The following SNX29 variants were observed in gnomAD, a reference collection of about 807,000 sequenced individuals.
SNX29 encodes the protein sorting nexin-29.
In SNX29, 78 loss-of-function variants were observed where a neutral mutation model predicts 102.1. That is an observed-to-expected ratio of 0.76 (90% CI 0.64 to 0.92). The LOEUF (loss-of-function observed/expected upper bound fraction) is 0.92, where lower values mean the gene tolerates loss of function less well. Ranked by LOEUF, SNX29 falls within the 40% of genes least tolerant of loss-of-function variation. SNX29 has a pLI of 0.00. For synonymous variants in SNX29, 580 were observed against 414.5 expected, an observed-to-expected ratio of 1.40 and a Z score of -4.85; for missense variants, 1,280 against 1,061.7, an observed-to-expected ratio of 1.21 and a Z score of -2.86.
intron 16 of SNX29, among the ~76,000 whole-genome samples, chr16:12,365,742 G>C (rs1334195031): frequency 6.8e-6 from 1 of 147,082 alleles, no homozygotes; most frequent in Non-Finnish European, 1.5e-5. Context: ...AGGCAGAGTT[G>C]CCCAAAAGCA....
chr16:12,298,156 C>A (rs574822080), intron 15 of SNX29, among the ~76,000 whole-genome samples: 1 of 152,104 alleles, frequency 6.6e-6, no homozygotes, highest in Non-Finnish European at 1.5e-5. Flanking sequence ...GGCAACAGAG[C>A]GAGACTCTGT....
In SNX29 at chr16:12,342,816, C is replaced by T. The variant is rs76489426; in HGVS notation, c.1783-13347C>T. Among the ~76,000 whole-genome samples, 1,176 of 152,276 alleles carry T rather than the reference C, an allele frequency of 7.7e-3. 16 individuals carry two copies. Among genetic ancestry groups the T allele is most frequent in the African/African-American group, 0.026 (1,077 of 41,548 alleles). On this transcript the variant is annotated intron_variant, in intron 15 of 20. Transcript: ENST00000566228. ...AAGTTCATCCCCCAGACCAGTACCC[C>T]ACAGTGCTCGCTCACATTTGAGCAC...
At chr16:12,514,407 C>G (rs1308879182) in intron 19 of SNX29, among the ~76,000 whole-genome samples, 4 of 152,198 alleles carry the variant, frequency 2.6e-5, no homozygotes, top group Non-Finnish European at 5.9e-5. Context: ...TGCCCTGGAG[C>G]TGCCTTTCTC....
At chr16:12,209,187 A>T (rs2077120880) in intron 14 of SNX29, among the ~76,000 whole-genome samples, 1 of 152,164 alleles carries the variant, frequency 6.6e-6, no homozygotes, top group African/African-American at 2.4e-5. Flanking sequence ...AGGGGGGTAA[A>T]GTATAATGTC....
chr16:11,996,632 A>T (rs2056084336), intron 1 of SNX29, among the ~76,000 whole-genome samples: 1 of 152,220 alleles, frequency 6.6e-6, no homozygotes, highest in Non-Finnish European at 1.5e-5. Context: ...TCCAGTTGGC[A>T]TTGCTCAAGG....
At chr16:12,380,044 C>T (rs1358165766) in intron 16 of SNX29, among the ~76,000 whole-genome samples, 1 of 152,078 alleles carries the variant, frequency 6.6e-6, no homozygotes, top group Non-Finnish European at 1.5e-5. Flanking sequence ...AGACAGAACT[C>T]CTAAGAATTC....
chr16:12,226,933 A>G (rs527946127), intron 14 of SNX29, among the ~76,000 whole-genome samples: 20 of 152,264 alleles, frequency 1.3e-4, no homozygotes, highest in Middle Eastern at 3.4e-3. Context: ...AGCTGATTCC[A>G]TCTTCAGGCG....
At chr16:12,042,851 G>T in intron 4 of SNX29, 46 bp from the exon 5 acceptor site, 1 of 1,562,234 alleles carries the variant, frequency 6.4e-7, no homozygotes, top group Non-Finnish European at 8.7e-7. Context: ...TCCCAGTGCT[G>T]AGTGCCCCAG....
intron 13 of SNX29, among the ~76,000 whole-genome samples, chr16:12,183,640 C>T (rs2076444411): frequency 6.6e-6 from 1 of 152,188 alleles, no homozygotes; most frequent in Non-Finnish European, 1.5e-5. Context: ...ATGTCAGAGG[C>T]ATTTGAACCA....
intron 16 of SNX29, among the ~76,000 whole-genome samples, chr16:12,377,064 G>A (rs1242373743): frequency 2.0e-5 from 3 of 152,146 alleles, no homozygotes; most frequent in African/African-American, 2.4e-5. Context: ...GGGTGAAGAC[G>A]GGGATCAAGG....
intron 15 of SNX29, among the ~76,000 whole-genome samples, chr16:12,348,338 G>A (rs572417454): frequency 1.3e-5 from 2 of 152,312 alleles, no homozygotes; most frequent in South Asian, 4.2e-4. Flanking sequence ...TAGCTGCTGG[G>A]GAGCTCCTAG....
chr16:12,334,536 C>T (rs924380863), intron 15 of SNX29, among the ~76,000 whole-genome samples: 3 of 152,184 alleles, frequency 2.0e-5, no homozygotes, highest in Admixed American at 6.5e-5. Flanking sequence ...TATCCTTCCC[C>T]GCAAACATTA....
intron 20 of SNX29, among the ~76,000 whole-genome samples, chr16:12,538,453 A>G (rs912095224): frequency 6.6e-6 from 1 of 152,184 alleles, no homozygotes; most frequent in Non-Finnish European, 1.5e-5. Flanking sequence ...TGGTTTGGTT[A>G]TCACGTATCT....
intron 15 of SNX29, among the ~76,000 whole-genome samples, chr16:12,330,051 G>C (rs1191907166): frequency 6.6e-6 from 1 of 152,174 alleles, no homozygotes; most frequent in Non-Finnish European, 1.5e-5. Flanking sequence ...CTGTGAAATG[G>C]GGATAATGAA....
intron 14 of SNX29, among the ~76,000 whole-genome samples, chr16:12,222,105 A>C (rs1285719477): frequency 1.3e-5 from 2 of 152,276 alleles, no homozygotes; most frequent in Non-Finnish European, 2.9e-5. Context: ...GAATCGTCAC[A>C]TAAGCCTACA....
chr16:12,279,742 G>T (rs1193656183), intron 15 of SNX29, among the ~76,000 whole-genome samples: 2 of 152,240 alleles, frequency 1.3e-5, no homozygotes, highest in African/African-American at 4.8e-5. Context: ...AATGGTAGGT[G>T]CTGCGTAACC....
At position 12,420,355 on chromosome 16, in the gene SNX29, G is replaced by A. The variant is rs548532767; in HGVS notation, c.2037+16826G>A. 2.0e-5 allele frequency among the ~76,000 whole-genome samples: 3 copies of A among 152,344 alleles called. No individual in the cohort carries two copies. In the East Asian group the frequency reaches 5.8e-4, roughly 29 times the overall value. On this transcript the variant is annotated intron_variant, in intron 18 of 20. Coordinates refer to ENST00000566228, the MANE Select transcript of SNX29 (RefSeq NM_032167.5). ...AAGTGTTAGACCCATCCTGATTTCA[G>A]AGATGTCACATGTGAAGATAATGCC...
intron 19 of SNX29, among the ~76,000 whole-genome samples, chr16:12,506,568 T>G (rs556568764): frequency 6.6e-6 from 1 of 152,246 alleles, no homozygotes; most frequent in South Asian, 2.1e-4. Context: ...GCATCAGACT[T>G]GAAAAGGCTT....
chr16:12,329,727 G>T (rs955998785), intron 15 of SNX29, among the ~76,000 whole-genome samples: 1 of 152,226 alleles, frequency 6.6e-6, no homozygotes, highest in African/African-American at 2.4e-5. Context: ...CTCTGCTTCA[G>T]ATCACTCAGG....
Sources: allele counts gnomAD v4.1 joint callset (sites outside exome capture counted in the v4.1 genomes callset), GRCh38; gene constraint gnomAD v4.1.1; transcripts MANE v1.5; gene names NCBI Gene and HGNC (gene_info 2026-07-23, HGNC 2026-07-21).